Variants in MEI4 observed in about 807,000 individuals in gnomAD.
MEI4 encodes the protein meiotic double-stranded break formation protein 4.
MEI4 carries 27 observed loss-of-function variants against 31.4 expected under a neutral mutation model. The ratio of observed to expected loss-of-function variants is 0.86; its 90% CI spans 0.63 to 1.19. The LOEUF is 1.19. MEI4 is among the 50% of genes most tolerant of loss of function. MEI4 has a pLI of 0.00. For missense variants in MEI4, 329 were observed against 398.9 expected (o/e 0.82, Z 1.49); for synonymous variants, 122 against 145.4 (o/e 0.84, Z 1.16).
intron 2 of MEI4, among the ~76,000 whole-genome samples, chr6:77,703,624 A>G (rs1257167971): frequency 6.6e-6 from 1 of 152,164 alleles, no homozygotes; most frequent in Non-Finnish European, 1.5e-5. Flanking sequence ...AGTTTCTACT[A>G]GAAATCCAAA....
intron 2 of MEI4, among the ~76,000 whole-genome samples, chr6:77,758,538 CTTTCTCAAACTTTAAG>C (rs1351778239): frequency 6.6e-6 from 1 of 152,178 alleles, no homozygotes; most frequent in Non-Finnish European, 1.5e-5. Flanking sequence ...CACTGTCCCC[CTTTCTCAAACTTTAAG>C]AAAATATTAC....
chr6:77,843,692 T>C (rs1770415298), intron 4 of MEI4, among the ~76,000 whole-genome samples: 1 of 152,106 alleles, frequency 6.6e-6, no homozygotes, highest in African/African-American at 2.4e-5. Context: ...TGTAATGGCC[T>C]CTACTTTCTA....
At chr6:77,871,699 A>G (rs1771197247) in intron 4 of MEI4, among the ~76,000 whole-genome samples, 1 of 152,116 alleles carries the variant, frequency 6.6e-6, no homozygotes, top group South Asian at 2.1e-4. Flanking sequence ...TCTAAAATAA[A>G]AGTTGAAATT....
At chr6:77,799,306 T>C (rs1769177471) in intron 3 of MEI4, among the ~76,000 whole-genome samples, 1 of 152,246 alleles carries the variant, frequency 6.6e-6, no homozygotes, top group Non-Finnish European at 1.5e-5. Context: ...GAGAAGTGTC[T>C]GTTCATGTCC....
intron 2 of MEI4, among the ~76,000 whole-genome samples, chr6:77,744,994 G>A (rs555116360): frequency 3.3e-5 from 5 of 152,114 alleles, no homozygotes; most frequent in Admixed American, 6.5e-5. Flanking sequence ...AGGAACAACC[G>A]GTACCAGCCA....
Position 77,753,014 on chromosome 6 carries a change from T to C in MEI4, c.233-8116T>C, listed in dbSNP as rs1314423877. Among the ~76,000 whole-genome samples, 4 of 152,328 alleles carry C rather than the reference T, an allele frequency of 2.6e-5. No homozygotes were observed. The South Asian group carries it at 6.2e-4, about 24-fold the overall frequency. ...CAAGAAATGGGGAAAGGATTCCCTA[T>C]TTAATAAATGGTTTTGGGAAAACTG... On this transcript the variant is annotated intron_variant, in intron 2 of 4. Transcript: ENST00000684080.
chr6:77,792,717 A>G (rs561042532), intron 3 of MEI4, among the ~76,000 whole-genome samples: 7 of 140,596 alleles, frequency 5.0e-5, no homozygotes, highest in Non-Finnish European at 6.3e-5. Context: ...TCCCAACACT[A>G]TTTTTTTTTT....
In MEI4 at chr6:77,758,427, T is replaced by G. The variant is rs149940103; in HGVS notation, c.233-2703T>G. ...CTCCAATTCTACCTCATCAGCTTCCTTTTTTTCTGAAGGACAAGAGCAGCA... is the reference window on the plus strand; with the variant it reads ...CTCCAATTCTACCTCATCAGCTTCCGTTTTTTCTGAAGGACAAGAGCAGCA... On this transcript the variant is annotated intron_variant, in intron 2 of 4. Transcript: ENST00000684080. 1.4e-3 allele frequency among the ~76,000 whole-genome samples: 213 copies of G among 152,258 alleles called. 1 individual carries two copies. The highest frequency in any genetic ancestry group is 4.5e-3 in the African/African-American group (187 of 41,568).
At position 77,791,263 on chromosome 6, in the gene MEI4, A is replaced by T. The variant is rs578103339; in HGVS notation, c.768+29598A>T. ...TTATTGCGGCATTATTCACGATAGC[A>T]AAGACTTGGAACCAAGCGAAATCTC... On this transcript the variant is annotated intron_variant, in intron 3 of 4. Coordinates refer to ENST00000684080, the MANE Select transcript of MEI4 (RefSeq NM_001322247.2). Among the ~76,000 whole-genome samples, 6 of 152,296 alleles carry T rather than the reference A, an allele frequency of 3.9e-5. No individual in the cohort carries two copies. In the South Asian group the frequency reaches 1.2e-3, roughly 32 times the overall value.
intron 4 of MEI4, among the ~76,000 whole-genome samples, chr6:77,904,764 C>G (rs1233120919): frequency 6.6e-6 from 1 of 152,018 alleles, no homozygotes; most frequent in Non-Finnish European, 1.5e-5. Context: ...TCCAATTTAA[C>G]TTTCATTGCA....
intron 4 of MEI4, among the ~76,000 whole-genome samples, chr6:77,915,734 G>C (rs1402187833): frequency 6.6e-6 from 1 of 151,920 alleles, no homozygotes; most frequent in African/African-American, 2.4e-5. Flanking sequence ...ATATACAGTA[G>C]GGAAGATCTT....
At position 77,719,364 on chromosome 6, in the gene MEI4, C is replaced by T. The variant is rs541410281; in HGVS notation, c.232+28461C>T. The stretch of plus-strand genomic sequence containing the variant: ...TTTACCCGTGGCCTGAGTGACATCC[C>T]GCTTACCATGTGATAAGTGAATCTA... On this transcript the variant is annotated intron_variant, in intron 2 of 4. Transcript: ENST00000684080. Among the ~76,000 whole-genome samples, 21 of 133,946 alleles carry T rather than the reference C, an allele frequency of 1.6e-4. No individual in the cohort carries two copies. In the South Asian group the frequency reaches 4.7e-3, roughly 30 times the overall value. The allele number at this position is 133,946 out of a possible 152,430, so 87.9% of individuals were successfully genotyped here.
intron 1 of MEI4, among the ~76,000 whole-genome samples, chr6:77,663,889 T>C (rs1184310597): frequency 2.6e-5 from 4 of 152,152 alleles, no homozygotes; most frequent in Non-Finnish European, 5.9e-5. Flanking sequence ...CCAGGGGCTC[T>C]GGGAGTGGCT....
At chr6:77,869,389 T>A (rs1771140324) in intron 4 of MEI4, among the ~76,000 whole-genome samples, 1 of 152,100 alleles carries the variant, frequency 6.6e-6, no homozygotes, top group Admixed American at 6.6e-5. Flanking sequence ...GAAGAACAGA[T>A]TAAGTTAAAA....
chr6:77,690,947 T>C (rs1021573193), intron 2 of MEI4, 44 bp downstream of exon 2: 4 of 983,304 alleles, frequency 4.1e-6, no homozygotes, highest in Non-Finnish European at 5.3e-6. Context: ...CATACTTGTT[T>C]TATTTCAGTT....
chr6:77,792,319 TG>T (rs1768958478), intron 3 of MEI4, among the ~76,000 whole-genome samples: 1 of 152,204 alleles, frequency 6.6e-6, no homozygotes, highest in South Asian at 2.1e-4. Context: ...TTCCCAGGTG[TG>T]GGATGTCTGG....
chr6:77,735,617 G>A (rs774054637), intron 2 of MEI4, among the ~76,000 whole-genome samples: 2 of 152,034 alleles, frequency 1.3e-5, no homozygotes, highest in African/African-American at 4.8e-5. Context: ...ATTGTCTGAA[G>A]CCTTCTTCTC....
intron 4 of MEI4, among the ~76,000 whole-genome samples, chr6:77,922,658 A>C (rs1398837065): frequency 6.6e-6 from 1 of 151,734 alleles, no homozygotes; most frequent in Non-Finnish European, 1.5e-5. Flanking sequence ...ATTCAGTATG[A>C]TATCACATCT....
At chr6:77,760,249 C>T (rs578158837) in intron 2 of MEI4, among the ~76,000 whole-genome samples, 122 of 151,788 alleles carry the variant, frequency 8.0e-4, no homozygotes, top group African/African-American at 2.9e-3. Context: ...TATATACACA[C>T]ATATATGATA....
Sources: gnomAD v4.1 joint callset for allele counts (sites outside exome capture counted in the v4.1 genomes callset) on GRCh38, gnomAD v4.1.1 for gene constraint, MANE v1.5 for transcripts, NCBI Gene and HGNC (gene_info 2026-07-23, HGNC 2026-07-21) for gene names.